The following PXYLP1 variants were observed in gnomAD, a reference collection of about 807,000 sequenced individuals.
PXYLP1 encodes the protein 2-phosphoxylose phosphatase 1.
PXYLP1 carries 17 observed loss-of-function variants against 37.9 expected under a neutral mutation model. The ratio of observed to expected loss-of-function variants is 0.45; its 90% CI spans 0.31 to 0.67. The LOEUF is 0.67. PXYLP1 is among the 30% of genes least tolerant of loss of function. The probability of loss-of-function intolerance (pLI) is 0.07; values close to 1 mark genes in which losing one functional copy is unlikely to be tolerated. For missense variants in PXYLP1, 511 were observed against 612.0 expected, an observed-to-expected ratio of 0.84 and a Z score of 1.74; for synonymous variants, 221 against 232.2, an observed-to-expected ratio of 0.95 and a Z score of 0.44.
At chr3:141,284,306 C>T (rs1942022304) in intron 4 of PXYLP1, among the ~76,000 whole-genome samples, 1 of 152,094 alleles carries the variant, frequency 6.6e-6, no homozygotes. Flanking sequence ...GCTGCCATGC[C>T]TAAATAATGG....
Position 141,292,961 on chromosome 3 carries a change from C to T in PXYLP1, c.1199C>T (p.Ala400Val), listed in dbSNP as rs150917770. The change falls in exon 6 of 6, where the codon GCA (alanine) becomes GTA (valine). Residue 400 changes from alanine (A) to valine (V), a missense_variant. By Grantham distance (64) the Ala-to-Val change is moderately conservative. Coordinates refer to ENST00000286353, the MANE Select transcript of PXYLP1 (RefSeq NM_001037172.3). This position sits in a 1 kb window ranked among gnomAD's most constrained non-coding sequence, Gnocchi z 4.3. ...TCAGAAGCCAGGTTCCCAAGGTTTG[C>T]AGCCAGGTTGATCTTTGAGCTTTGG... ...GLSEARFPRF[A>V]ARLIFELWQD... is the part of the protein sequence containing the mutation. The T allele has an allele frequency of 6.1e-5, 99 of 1,614,202 alleles. 1 individual carries two copies. Among genetic ancestry groups the T allele is most frequent in the Non-Finnish European group, 7.9e-5 (93 of 1,180,030 alleles).
chr3:141,249,448 A>T (rs1405913398), intron 1 of PXYLP1, among the ~76,000 whole-genome samples: 1 of 140,388 alleles, frequency 7.1e-6, no homozygotes, highest in Non-Finnish European at 1.5e-5. Context: ...TTGCACAGCT[A>T]TGAGTCTCAG....
At chr3:141,259,236 G>T (rs1017023038) in intron 1 of PXYLP1, among the ~76,000 whole-genome samples, 1 of 152,112 alleles carries the variant, frequency 6.6e-6, no homozygotes, top group Admixed American at 6.6e-5. Context: ...ATGGGGAAAA[G>T]ATTCAAGTTT....
chr3:141,251,662 C>T (rs907357457), intron 1 of PXYLP1, among the ~76,000 whole-genome samples: 1 of 152,224 alleles, frequency 6.6e-6, no homozygotes, highest in Non-Finnish European at 1.5e-5. Context: ...GAATGTGAAG[C>T]AAGGGTTTCA....
intron 1 of PXYLP1, among the ~76,000 whole-genome samples, chr3:141,242,819 CT>C (rs548366399): frequency 5.7e-4 from 87 of 152,330 alleles, no homozygotes; most frequent in African/African-American, 2.0e-3. Context: ...TCCATGCCCC[CT>C]GAGGCAGGCA....
At chr3:141,236,644 C>CGTAAAATAAAATGAA (rs1220325742) in intron 1 of PXYLP1, among the ~76,000 whole-genome samples, 2 of 152,088 alleles carry the variant, frequency 1.3e-5, no homozygotes, top group African/African-American at 4.8e-5. Context: ...AGCTTTTAAC[C>CGTAAAATAAAATGAA]GTAAAATAAA....
chr3:141,286,108 A>C (rs1241555353), intron 4 of PXYLP1, among the ~76,000 whole-genome samples: 5 of 152,148 alleles, frequency 3.3e-5, no homozygotes, highest in Non-Finnish European at 5.9e-5. Flanking sequence ...ATTCTTATAG[A>C]GTTTAGGCAT....
intron 2 of PXYLP1, among the ~76,000 whole-genome samples, chr3:141,269,461 G>GT (rs35570372): frequency 0.17 from 26,205 of 152,080 alleles, 3,036 homozygotes; most frequent in East Asian, 0.31. Flanking sequence ...ATGAACTCAT[G>GT]TTTTTTATGA....
At chr3:141,265,396 G>A (rs1325820445) in intron 2 of PXYLP1, among the ~76,000 whole-genome samples, 18 of 151,900 alleles carry the variant, frequency 1.2e-4, no homozygotes, top group African/African-American at 4.4e-4. Flanking sequence ...AATCTTGGTG[G>A]TAGTGGAACC....
intron 5 of PXYLP1, among the ~76,000 whole-genome samples, chr3:141,291,279 C>A (rs545715135): frequency 6.6e-6 from 1 of 152,204 alleles, no homozygotes; most frequent in African/African-American, 2.4e-5. Flanking sequence ...CCCGTTACCT[C>A]CTACTACAGG....
In PXYLP1 at chr3:141,267,761, T is replaced by A. The variant is rs556135024; in HGVS notation, c.79+7507T>A. On this transcript the variant is annotated intron_variant, in intron 2 of 5. Transcript: ENST00000286353. The stretch of plus-strand genomic sequence containing the variant: ...AGCAGGTTCTTCTGCAAGCTGAGAA[T>A]GGACACATTTATGTCTGTGGGTCAT... 2.6e-5 allele frequency among the ~76,000 whole-genome samples: 4 copies of A among 152,320 alleles called. No homozygotes were observed. The South Asian group carries it at 8.3e-4, about 32-fold the overall frequency.
chr3:141,260,222 T>A lies in PXYLP1; in HGVS notation c.47T>A (p.Leu16Gln). 6.2e-7 allele frequency: 1 copy of A among 1,613,552 alleles called. No homozygotes were observed. Among genetic ancestry groups the A allele is most frequent in the Non-Finnish European group, 8.5e-7 (1 of 1,180,038 alleles). Residue 16 changes from leucine (L) to glutamine (Q), a missense_variant, in exon 2 of 6, where the codon CTG (leucine) becomes CAG (glutamine). Transcript: ENST00000286353. ...RFLLLLALAALLAFVSLSLQF... is the reference protein window; with the variant it reads ...RFLLLLALAAQLAFVSLSLQF... ...TTGCTGCTGCTGGCCCTGGCTGCGC[T>A]GCTGGCCTTTGTGAGCCTCAGCCTG...
chr3:141,271,259 C>T (rs1941655857), intron 2 of PXYLP1, among the ~76,000 whole-genome samples: 1 of 152,160 alleles, frequency 6.6e-6, no homozygotes, highest in Non-Finnish European at 1.5e-5. Context: ...CATGAATTCA[C>T]ATCTTTGTAA....
At chr3:141,262,363 T>A in intron 2 of PXYLP1, 1 of 1,029,822 alleles carries the variant, frequency 9.7e-7, no homozygotes, top group Non-Finnish European at 1.2e-6. Flanking sequence ...GTAGTTTAAT[T>A]GTTTATAAAT....
rs147495598 is a variant in PXYLP1 at position 141,285,144 on chromosome 3, C to CTTTTTTTTTTT, written c.366-2160_366-2150dup. 1.4e-3 allele frequency among the ~76,000 whole-genome samples: 108 copies of CTTTTTTTTTTT among 78,786 alleles called. 3 individuals are homozygous for CTTTTTTTTTTT. The highest frequency in any genetic ancestry group is 8.1e-3 in the Middle Eastern group (1 of 124). 51.7% of individuals were successfully genotyped at this position (78,786 alleles called of 152,430 possible). On this transcript the variant is annotated intron_variant, in intron 4 of 5. Transcript: ENST00000286353. ...AAATGTTTTTTTTCTTTTTCTTTTT[C>CTTTTTTTTTTT]TTTTTTTTTTTTTTTTTTTTGAGAC... is the stretch of plus-strand genomic sequence containing the variant.
chr3:141,257,904 CAAAA>C (rs59070598), intron 1 of PXYLP1, among the ~76,000 whole-genome samples: 4 of 79,442 alleles, frequency 5.0e-5, no homozygotes, highest in Admixed American at 3.1e-4. Flanking sequence ...AACTCTGTCT[CAAAA>C]AAAAAAAAAA....
At chr3:141,241,558 A>G (rs978927132) in intron 1 of PXYLP1, among the ~76,000 whole-genome samples, 26 of 152,310 alleles carry the variant, frequency 1.7e-4, no homozygotes, top group Non-Finnish European at 1.2e-4. Context: ...GATAAGCAGG[A>G]GTTAACCAGG....
chr3:141,236,414 C>T, intron 1 of PXYLP1: 1 of 152,042 alleles, frequency 6.6e-6, no homozygotes, highest in Non-Finnish European at 1.5e-5. Flanking sequence ...TTTGATGCCC[C>T]CACTCTCTCC....
intron 2 of PXYLP1, among the ~76,000 whole-genome samples, chr3:141,268,261 AAT>A (rs1941580656): frequency 1.3e-5 from 2 of 149,286 alleles, no homozygotes; most frequent in Admixed American, 6.8e-5. Context: ...AGCAAGAGCA[AAT>A]ACTATCACGG....
Sources: allele counts gnomAD v4.1 joint callset (sites outside exome capture counted in the v4.1 genomes callset), GRCh38; gene constraint gnomAD v4.1.1; non-coding constraint Gnocchi (gnomAD v3.1); transcripts MANE v1.5; gene names NCBI Gene and HGNC (gene_info 2026-07-23, HGNC 2026-07-21).